PLCXD3: variants seen among roughly 807,000 people sequenced by gnomAD.
PLCXD3 encodes the protein phosphatidylinositol specific phospholipase C X domain containing 3, also known as PI-PLC X domain-containing protein 3.
Under a neutral mutation model 25.5 loss-of-function variants are expected in PLCXD3, and 19 were observed. The ratio of observed to expected loss-of-function variants is 0.75; its 90% CI spans 0.52 to 1.09. The LOEUF (loss-of-function observed/expected upper bound fraction) is 1.09. PLCXD3 is among the 50% of genes least tolerant of loss of function. The pLI is 0.00. For synonymous variants in PLCXD3, 174 were observed against 137.6 expected (o/e 1.26, Z -1.85); for missense variants, 411 against 388.1 (o/e 1.06, Z -0.50).
intron 1 of PLCXD3, among the ~76,000 whole-genome samples, chr5:41,505,227 A>ATG (rs148730096): frequency 0.018 from 2,675 of 151,170 alleles, 61 homozygotes; most frequent in African/African-American, 0.058. Context: ...GTGTGTGTGC[A>ATG]TGTGTGTGTG....
chr5:41,368,771 C>T (rs1745009641), intron 2 of PLCXD3, among the ~76,000 whole-genome samples: 1 of 152,132 alleles, frequency 6.6e-6, no homozygotes, highest in African/African-American at 2.4e-5. Flanking sequence ...TATCAAAAGC[C>T]TTTTCTGCAG....
chr5:41,327,804 G>A (rs1021967254), intron 2 of PLCXD3, among the ~76,000 whole-genome samples: 2 of 152,080 alleles, frequency 1.3e-5, no homozygotes, highest in African/African-American at 2.4e-5. Context: ...TTCATTAGAT[G>A]TTGGATTTTT....
At chr5:41,386,829 C>T (rs1745650943) in intron 1 of PLCXD3, among the ~76,000 whole-genome samples, 1 of 151,742 alleles carries the variant, frequency 6.6e-6, no homozygotes, top group South Asian at 2.1e-4. Flanking sequence ...AGCAGACCCT[C>T]CTGAAAATAT....
intron 1 of PLCXD3, among the ~76,000 whole-genome samples, chr5:41,476,475 C>A (rs1354029417): frequency 8.5e-5 from 13 of 152,158 alleles, no homozygotes; most frequent in Admixed American, 5.2e-4. Flanking sequence ...TCATCAGTCC[C>A]TAATAAAAAC....
At chr5:41,318,686 GAGAAGACCACA>G (rs1743371176) in intron 2 of PLCXD3, among the ~76,000 whole-genome samples, 1 of 152,054 alleles carries the variant, frequency 6.6e-6, no homozygotes, top group African/African-American at 2.4e-5. Context: ...AAAAAAGGAA[GAGAAGACCACA>G]ACACAACCAG....
At chr5:41,451,710 T>C (rs974178862) in intron 1 of PLCXD3, among the ~76,000 whole-genome samples, 4 of 151,764 alleles carry the variant, frequency 2.6e-5, no homozygotes, top group African/African-American at 9.7e-5. Flanking sequence ...TGAACTCACC[T>C]ACTGAAAGAC....
chr5:41,428,473 G>A lies in PLCXD3; in HGVS notation c.104-45939C>T, dbSNP rs72758305. The stretch of plus-strand genomic sequence containing the variant: ...GGACACAAAAAGAGACACCAGGGGC[G>A]TATGTACACAGAGAAAAGATCACGT... On this transcript the variant is annotated intron_variant, in intron 1 of 2. Coordinates refer to ENST00000377801, the MANE Select transcript of PLCXD3 (RefSeq NM_001005473.3). Among the ~76,000 whole-genome samples, 735 of 150,656 alleles carry A rather than the reference G, an allele frequency of 4.9e-3. 6 individuals carry two copies. The highest frequency in any genetic ancestry group is 0.014 in the Middle Eastern group (4 of 288).
intron 1 of PLCXD3, chr5:41,475,502 C>A: frequency 2.2e-6 from 1 of 456,052 alleles, no homozygotes. Context: ...CCCTGTCTTT[C>A]CCTACCTATC....
chr5:41,339,387 T>C (rs1744074023), intron 2 of PLCXD3, among the ~76,000 whole-genome samples: 1 of 152,114 alleles, frequency 6.6e-6, no homozygotes, highest in Non-Finnish European at 1.5e-5. Flanking sequence ...AATAGCCATC[T>C]GAGTAAGTCT....
At chr5:41,425,415 C>T (rs1746932638) in intron 1 of PLCXD3, among the ~76,000 whole-genome samples, 1 of 152,094 alleles carries the variant, frequency 6.6e-6, no homozygotes, top group African/African-American at 2.4e-5. Flanking sequence ...ACACTCTTTC[C>T]CATTATCAAT....
chr5:41,454,891 G>T (rs73079756), intron 1 of PLCXD3, among the ~76,000 whole-genome samples: 1,685 of 152,070 alleles, frequency 0.011, 28 homozygotes, highest in African/African-American at 0.038. Context: ...TCACATTTCA[G>T]CATGGCTGGA....
intron 2 of PLCXD3, among the ~76,000 whole-genome samples, chr5:41,317,099 A>G (rs1442356984): frequency 6.6e-6 from 1 of 152,240 alleles, no homozygotes; most frequent in Non-Finnish European, 1.5e-5. Flanking sequence ...CAGCACAGTC[A>G]TAGTAGTGGT....
intron 2 of PLCXD3, among the ~76,000 whole-genome samples, chr5:41,319,425 T>C (rs2150469162): frequency 6.6e-6 from 1 of 152,268 alleles, no homozygotes; most frequent in East Asian, 1.9e-4. Flanking sequence ...CTGACCACAA[T>C]GGGATATAAC....
chr5:41,510,440 G>T lies in PLCXD3; in HGVS notation c.87C>A (p.Thr29=). Residue 29 remains threonine (T), a synonymous_variant, in exon 1 of 3, where the codon ACC becomes ACA. Transcript: ENST00000377801. ...LPESMHSIPL[T]NLAIPGSHDS... Reference sequence around the variant, plus strand: ...CGCGCCTACCTGGAATGGCTAAATTGGTGAGGGGGATGCTGTGCATGCTCT... The same window carrying T: ...CGCGCCTACCTGGAATGGCTAAATTTGTGAGGGGGATGCTGTGCATGCTCT... 6.2e-7 allele frequency: 1 copy of T among 1,609,382 alleles called. No homozygotes were observed.
At chr5:41,483,681 C>T (rs1748460301) in intron 1 of PLCXD3, among the ~76,000 whole-genome samples, 1 of 151,956 alleles carries the variant, frequency 6.6e-6, no homozygotes, top group African/African-American at 2.4e-5. Context: ...CTGACCTGCA[C>T]ACTTAAAAAT....
intron 1 of PLCXD3, among the ~76,000 whole-genome samples, chr5:41,509,436 A>T (rs1024617412): frequency 3.3e-5 from 5 of 151,476 alleles, no homozygotes; most frequent in Non-Finnish European, 7.4e-5. Flanking sequence ...AACGACCCTC[A>T]CTCCTGGATA....
At chr5:41,408,316 C>T (rs1746411841) in intron 1 of PLCXD3, among the ~76,000 whole-genome samples, 1 of 152,202 alleles carries the variant, frequency 6.6e-6, no homozygotes. Flanking sequence ...TGCTCATCAA[C>T]TACTCATTAC....
chr5:41,312,883 A>G lies in PLCXD3; in HGVS notation c.*734T>C, dbSNP rs1299171617. The stretch of plus-strand genomic sequence containing the variant: ...TAAGAGATTGCCAAATTAAAATGCC[A>G]TACATCTCTTTCACCCCTCAACCAT... On this transcript the variant is annotated 3_prime_UTR_variant, in exon 3 of 3. Coordinates refer to ENST00000377801, the MANE Select transcript of PLCXD3 (RefSeq NM_001005473.3). The G allele has an allele frequency of 1.3e-5, 2 of 152,574 alleles. No homozygotes were observed. Among genetic ancestry groups the G allele is most frequent in the Admixed American group, 6.6e-5 (1 of 15,248 alleles). 9.5% of individuals were successfully genotyped at this position (152,574 alleles called of 1,614,324 possible).
At chr5:41,437,003 C>T (rs1011394427) in intron 1 of PLCXD3, among the ~76,000 whole-genome samples, 8 of 152,184 alleles carry the variant, frequency 5.3e-5, no homozygotes, top group African/African-American at 1.9e-4. Context: ...GTCACAGAAT[C>T]TCATGGGGTT....
Sources: gnomAD v4.1 joint callset for allele counts (sites outside exome capture counted in the v4.1 genomes callset) on GRCh38, gnomAD v4.1.1 for gene constraint, MANE v1.5 for transcripts, NCBI Gene and HGNC (gene_info 2026-07-23, HGNC 2026-07-21) for gene names.